ZNF638: variants seen among roughly 807,000 people sequenced by gnomAD.
ZNF638 encodes zinc finger protein 638, also known as CTCL tumor antigen se33-1.
Under a neutral mutation model 195.6 loss-of-function variants are expected in ZNF638, and 46 were observed. The observed-to-expected ratio is 0.24, with a 90% CI of 0.19 to 0.30. The LOEUF is 0.30. ZNF638 is among the 10% of genes least tolerant of loss of function. The pLI is 1.00. For synonymous variants in ZNF638, 845 were observed against 772.0 expected, an observed-to-expected ratio of 1.09 and a Z score of -1.57; for missense variants, 2,440 against 2,325.3, an observed-to-expected ratio of 1.05 and a Z score of -1.01.
intron 2 of ZNF638, among the ~76,000 whole-genome samples, chr2:71,352,497 A>G (rs1297706226): frequency 1.7e-4 from 1 of 5,966 alleles, no homozygotes; most frequent in Admixed American, 2.6e-3. Flanking sequence ...AAAAAAAATA[A>G]AAAAAAAAAA....
chr2:71,427,368 T>C lies in ZNF638; in HGVS notation c.5499T>C (p.Asn1833=). ...CCCAAGTGGGTCCAGTAAATGAGAA[T>C]GTTATGGAAGAAGATCTAAAAACCA... ...SLSQVGPVNE[N]VMEEDLKTMI... is the part of the protein sequence containing the mutation. The change falls in exon 24 of 28, where the codon AAT becomes AAC. Residue 1833 remains asparagine, a synonymous_variant. Transcript: ENST00000264447. 6.3e-7 allele frequency: 1 copy of C among 1,589,120 alleles called. No individual in the cohort carries two copies.
At chr2:71,389,200 C>T (rs2079716697) in intron 10 of ZNF638, among the ~76,000 whole-genome samples, 1 of 152,034 alleles carries the variant, frequency 6.6e-6, no homozygotes, top group African/African-American at 2.4e-5. Flanking sequence ...CCCCCTCCCC[C>T]AATAAATTGG....
At chr2:71,363,764 TG>T (rs1387000336) in intron 4 of ZNF638, among the ~76,000 whole-genome samples, 189 bp from the exon 5 acceptor site, 2 of 152,254 alleles carry the variant, frequency 1.3e-5, no homozygotes, top group Admixed American at 6.5e-5. Flanking sequence ...TAAACTGTTC[TG>T]ATTGTTTCTT....
intron 16 of ZNF638, among the ~76,000 whole-genome samples, chr2:71,403,031 G>C (rs2080037464): frequency 6.6e-6 from 1 of 152,136 alleles, no homozygotes; most frequent in South Asian, 2.1e-4. Context: ...ATTGTGTACA[G>C]TGGTTGAACT....
At chr2:71,355,896 C>A in intron 3 of ZNF638, 116 bp downstream of exon 3, 1 of 510,834 alleles carries the variant, frequency 2.0e-6, no homozygotes, top group South Asian at 6.1e-5. Context: ...TTTTGGAAAG[C>A]TATTGTCTTT....
chr2:71,384,335 A>G (rs1282429331), intron 10 of ZNF638, among the ~76,000 whole-genome samples: 1 of 152,170 alleles, frequency 6.6e-6, no homozygotes, highest in Admixed American at 6.5e-5. Context: ...TGATCATTCT[A>G]CTTCTAGCAA....
intron 10 of ZNF638, chr2:71,380,849 A>C: frequency 4.2e-6 from 1 of 240,190 alleles, no homozygotes. Flanking sequence ...TTAGTTATGC[A>C]ATATCTCCCT....
chr2:71,376,582 A>G (rs974401621), intron 8 of ZNF638, among the ~76,000 whole-genome samples: 1 of 152,188 alleles, frequency 6.6e-6, no homozygotes, highest in Non-Finnish European at 1.5e-5. Flanking sequence ...TTGGCATGGC[A>G]TGTCAAAACC....
chr2:71,380,201 C>G, intron 8 of ZNF638, 21 bp from the exon 9 acceptor site: 1 of 1,465,152 alleles, frequency 6.8e-7, no homozygotes, highest in Non-Finnish European at 9.1e-7. Context: ...TTCTTTTGTT[C>G]AAAATATTTT....
chr2:71,356,832 A>G (rs1225567941), intron 3 of ZNF638, among the ~76,000 whole-genome samples: 1 of 152,054 alleles, frequency 6.6e-6, no homozygotes, highest in African/African-American at 2.4e-5. Context: ...AGCTCACTTA[A>G]CTGGGAAGCT....
intron 21 of ZNF638, among the ~76,000 whole-genome samples, chr2:71,419,318 T>A (rs2080373274): frequency 6.6e-6 from 1 of 152,220 alleles, no homozygotes; most frequent in African/African-American, 2.4e-5. Flanking sequence ...TTAGAATATT[T>A]CTTTTTCCTC....
chr2:71,343,131 A>T (rs147507598), intron 1 of ZNF638, among the ~76,000 whole-genome samples: 47 of 152,322 alleles, frequency 3.1e-4, no homozygotes, highest in African/African-American at 1.1e-3. Flanking sequence ...GTCTTCCAGA[A>T]ATCCTTTTCT....
At chr2:71,353,805 T>C (rs562961687) in intron 2 of ZNF638, among the ~76,000 whole-genome samples, 135 of 152,332 alleles carry the variant, frequency 8.9e-4, no homozygotes, top group African/African-American at 3.1e-3. Flanking sequence ...TAAAACACTT[T>C]ATGGTTCAAA....
At chr2:71,417,528 G>T (rs934679576) in intron 20 of ZNF638, among the ~76,000 whole-genome samples, 3 of 133,674 alleles carry the variant, frequency 2.2e-5, no homozygotes, top group Non-Finnish European at 5.1e-5. Flanking sequence ...CACTTCAGTT[G>T]TCTGAAATAT....
chr2:71,338,293 A>G (rs529831875), intron 1 of ZNF638, among the ~76,000 whole-genome samples: 3 of 152,330 alleles, frequency 2.0e-5, no homozygotes, highest in East Asian at 1.9e-4. Context: ...CTGTTATTCT[A>G]CATTTAGTAG....
chr2:71,384,025 C>T (rs1008031636), intron 10 of ZNF638, among the ~76,000 whole-genome samples: 3 of 152,218 alleles, frequency 2.0e-5, no homozygotes, highest in Non-Finnish European at 2.9e-5. Flanking sequence ...TACCACTAAT[C>T]ATCCGGTAGA....
At chr2:71,410,992 CTT>C (rs775391313) in intron 20 of ZNF638, among the ~76,000 whole-genome samples, 3 of 24,506 alleles carry the variant, frequency 1.2e-4, no homozygotes, top group South Asian at 2.5e-3. Context: ...CTCCCCCCCC[CTT>C]TTTTTTTTTT....
intron 13 of ZNF638, 44 bp from the exon 14 acceptor site, chr2:71,400,063 AATTAT>A: frequency 7.0e-7 from 1 of 1,434,468 alleles, no homozygotes; most frequent in Non-Finnish European, 9.5e-7. Context: ...TCATTAGTTT[AATTAT>A]ATTAGTGTTT....
chr2:71,372,947 A>G (rs1033976459), intron 8 of ZNF638, among the ~76,000 whole-genome samples: 1 of 152,206 alleles, frequency 6.6e-6, no homozygotes, highest in Non-Finnish European at 1.5e-5. Context: ...TTGTTTCTAG[A>G]AACAGAACTT....
Sources: gnomAD v4.1 joint callset for allele counts (sites outside exome capture counted in the v4.1 genomes callset) on GRCh38, gnomAD v4.1.1 for gene constraint, MANE v1.5 for transcripts, NCBI Gene and HGNC (gene_info 2026-07-23, HGNC 2026-07-21) for gene names.